The following ACBD3 variants were observed in gnomAD, a reference collection of about 807,000 sequenced individuals.
ACBD3 encodes acyl-CoA binding domain containing 3.
In ACBD3, 30 loss-of-function variants were observed where a neutral mutation model predicts 66.9. The observed-to-expected ratio is 0.45, with a 90% CI of 0.34 to 0.61. ACBD3 has a LOEUF of 0.61. Among genes scored for constraint, ACBD3 ranks in the 20% least tolerant of loss-of-function variants. The pLI, the probability that ACBD3 is intolerant of heterozygous loss-of-function variation, is 0.02. For missense variants in ACBD3, 544 were observed against 664.5 expected, an observed-to-expected ratio of 0.82 and a Z score of 1.99; for synonymous variants, 278 against 259.8, an observed-to-expected ratio of 1.07 and a Z score of -0.68.
At chr1:226,186,201 G>A (rs928875444) in intron 1 of ACBD3, among the ~76,000 whole-genome samples, 189 bp downstream of exon 1, 4 of 152,210 alleles carry the variant, frequency 2.6e-5, no homozygotes, top group African/African-American at 9.6e-5. Flanking sequence ...CCCGTCAGGG[G>A]TGTGACCTAG....
chr1:226,159,683 C>T (rs1375949985), intron 4 of ACBD3, among the ~76,000 whole-genome samples: 1 of 152,182 alleles, frequency 6.6e-6, no homozygotes, highest in Non-Finnish European at 1.5e-5. Flanking sequence ...CTCACACATA[C>T]TAACCCATTT....
At chr1:226,164,718 A>T in intron 3 of ACBD3, 71 bp downstream of exon 3, 1 of 1,459,390 alleles carries the variant, frequency 6.9e-7, no homozygotes. Flanking sequence ...TAGAACAGAC[A>T]CTCTACAAAA....
At chr1:226,182,791 GTCC>G (rs935536086) in intron 1 of ACBD3, among the ~76,000 whole-genome samples, 2 of 152,104 alleles carry the variant, frequency 1.3e-5, no homozygotes, top group East Asian at 1.9e-4. Context: ...TGCTCCCTCA[GTCC>G]TCCACACTGT....
intron 6 of ACBD3, among the ~76,000 whole-genome samples, chr1:226,153,872 T>G (rs903070242): frequency 5.9e-5 from 9 of 152,158 alleles, no homozygotes; most frequent in Admixed American, 6.6e-5. Flanking sequence ...TTGGTATGTG[T>G]GACCAACAGA....
rs1659868724 is a variant in ACBD3, at chr1:226,165,905, T to C, written c.382A>G (p.Thr128Ala). ...TCAAAGAATCCAACCTCAGGACAAG[T>C]GTCTGGATTATATGGGCCCATAAGA... ...QVLMGPYNPD[T>A]CPEVGFFDVL... Residue 128 changes from threonine to alanine, a missense_variant, in exon 2 of 8, where the codon ACT becomes GCT. By Grantham distance (58) the Thr-to-Ala change is moderately conservative. Coordinates refer to ENST00000366812, the MANE Select transcript of ACBD3 (RefSeq NM_022735.4). 1 of 1,612,996 alleles carries C rather than the reference T, an allele frequency of 6.2e-7. No homozygotes were observed. The highest frequency in any genetic ancestry group is 1.3e-5 in the African/African-American group (1 of 74,814).
intron 7 of ACBD3, among the ~76,000 whole-genome samples, chr1:226,151,908 G>A (rs903387297): frequency 2.0e-5 from 3 of 152,096 alleles, no homozygotes; most frequent in African/African-American, 7.2e-5. Context: ...TCAGGAGGCT[G>A]AGGCAGGAGA....
At chr1:226,149,614 C>G (rs1403505524) in intron 7 of ACBD3, among the ~76,000 whole-genome samples, 1 of 132,694 alleles carries the variant, frequency 7.5e-6, no homozygotes, top group Admixed American at 9.0e-5. Context: ...GATCTCAGCT[C>G]ACTGCAACCT....
intron 1 of ACBD3, among the ~76,000 whole-genome samples, chr1:226,184,274 C>T (rs1411313940): frequency 6.6e-6 from 1 of 152,206 alleles, no homozygotes; most frequent in Non-Finnish European, 1.5e-5. Context: ...TACATCCTTC[C>T]CTTTTGTCAG....
At chr1:226,185,853 CCT>C (rs1158632397) in intron 1 of ACBD3, among the ~76,000 whole-genome samples, 1 of 152,106 alleles carries the variant, frequency 6.6e-6, no homozygotes, top group East Asian at 1.9e-4. Context: ...TTTACTTCCT[CCT>C]CTCTGCCACA....
intron 7 of ACBD3, among the ~76,000 whole-genome samples, chr1:226,149,544 T>C (rs1392158727): frequency 1.7e-5 from 2 of 116,210 alleles, no homozygotes; most frequent in African/African-American, 3.4e-5. Context: ...TTTTTTTTTT[T>C]TTTTTTTTTT....
At chr1:226,156,508 AT>A (rs375463583) in intron 5 of ACBD3, among the ~76,000 whole-genome samples, 8 of 152,160 alleles carry the variant, frequency 5.3e-5, no homozygotes, top group Admixed American at 4.6e-4. Context: ...AGGAAAAAAA[AT>A]ACACACACGC....
intron 2 of ACBD3, 148 bp from the exon 3 acceptor site, chr1:226,165,077 G>T: frequency 1.3e-6 from 1 of 799,126 alleles, no homozygotes; most frequent in Non-Finnish European, 1.8e-6. Flanking sequence ...GTTTTAACAA[G>T]TATGTATTGA....
chr1:226,152,063 C>T (rs10915949), intron 7 of ACBD3, among the ~76,000 whole-genome samples: 4 of 151,940 alleles, frequency 2.6e-5, no homozygotes, highest in Non-Finnish European at 5.9e-5. Flanking sequence ...TCAACACACA[C>T]GGTTAGAAGT....
Position 226,145,011 on chromosome 1 carries a change from T to C in ACBD3, c.*1599A>G, listed in dbSNP as rs1202908596. ...TCTCATAAAAAAAAAATCCAGGAAG[T>C]GCCTAACTCCATGGTTTCTATACCA... On this transcript the variant is annotated 3_prime_UTR_variant, in exon 8 of 8. Transcript: ENST00000366812. 6.6e-6 allele frequency: 1 copy of C among 152,496 alleles called. No homozygotes were observed. The highest frequency in any genetic ancestry group is 1.5e-5 in the Non-Finnish European group (1 of 68,004). 9.4% of individuals were successfully genotyped at this position (152,496 alleles called of 1,614,324 possible).
intron 1 of ACBD3, among the ~76,000 whole-genome samples, chr1:226,185,854 C>T (rs1469231249): frequency 1.3e-5 from 2 of 152,144 alleles, no homozygotes; most frequent in East Asian, 3.8e-4. Flanking sequence ...TTACTTCCTC[C>T]TCTCTGCCAC....
chr1:226,168,572 TGA>T (rs1659917365), intron 1 of ACBD3, among the ~76,000 whole-genome samples: 1 of 152,246 alleles, frequency 6.6e-6, no homozygotes, highest in African/African-American at 2.4e-5. Flanking sequence ...ATTGTTTATA[TGA>T]GTGTAGTCCC....
intron 4 of ACBD3, among the ~76,000 whole-genome samples, chr1:226,159,815 C>T (rs1337601755): frequency 6.6e-6 from 1 of 152,106 alleles, no homozygotes; most frequent in African/African-American, 2.4e-5. Context: ...TAATTTACCA[C>T]GATGCTTTAA....
At chr1:226,159,697 C>T (rs1659735265) in intron 4 of ACBD3, among the ~76,000 whole-genome samples, 1 of 152,150 alleles carries the variant, frequency 6.6e-6, no homozygotes, top group Non-Finnish European at 1.5e-5. Flanking sequence ...CCCATTTAGT[C>T]CTCACAACAA....
chr1:226,153,276 G>GA (rs902347707), intron 6 of ACBD3, among the ~76,000 whole-genome samples: 2 of 149,894 alleles, frequency 1.3e-5, no homozygotes, highest in Admixed American at 6.6e-5. Flanking sequence ...CCCTTGATAA[G>GA]AAAAAAAAAG....
Sources: gnomAD v4.1 joint callset for allele counts (sites outside exome capture counted in the v4.1 genomes callset) on GRCh38, gnomAD v4.1.1 for gene constraint, MANE v1.5 for transcripts, NCBI Gene and HGNC (gene_info 2026-07-23, HGNC 2026-07-21) for gene names.